PDZRN3: variants seen among roughly 807,000 people sequenced by gnomAD.
PDZRN3 encodes the protein E3 ubiquitin-protein ligase PDZRN3.
In PDZRN3, 38 loss-of-function variants were observed where a neutral mutation model predicts 85.7. The observed-to-expected ratio is 0.44, with a 90% CI of 0.34 to 0.58. The LOEUF (loss-of-function observed/expected upper bound fraction) is 0.58, where lower values mean the gene tolerates loss of function less well. PDZRN3 is among the 20% of genes least tolerant of loss of function. PDZRN3 has a pLI of 0.01. For missense variants in PDZRN3, 1,629 were observed against 1,506.4 expected (o/e 1.08, Z -1.35); for synonymous variants, 759 against 638.0 (o/e 1.19, Z -2.86).
At chr3:73,597,360 C>A (rs1452145796) in intron 3 of PDZRN3, among the ~76,000 whole-genome samples, 1 of 152,150 alleles carries the variant, frequency 6.6e-6, no homozygotes, top group Non-Finnish European at 1.5e-5. Context: ...TACACAAAAG[C>A]CTTTGAGGTT....
chr3:73,394,650 T>A, intron 5 of PDZRN3, among the ~76,000 whole-genome samples: 1 of 152,202 alleles, frequency 6.6e-6, no homozygotes, highest in South Asian at 2.1e-4. Context: ...TGAGACAGGA[T>A]GGTGTGGGCT....
intron 3 of PDZRN3, among the ~76,000 whole-genome samples, chr3:73,580,830 T>A (rs1288928904): frequency 6.6e-6 from 1 of 152,250 alleles, no homozygotes; most frequent in African/African-American, 2.4e-5. Context: ...TAATTCTGCC[T>A]AAATTACTAT....
chr3:73,388,082 A>AG lies in PDZRN3; in HGVS notation c.1417-14_1417-13insC. On this transcript the variant is annotated splice_polypyrimidine_tract_variant and intron_variant, in intron 7 of 9. Transcript: ENST00000263666. ...CTATCCCATTAATCTTTTAAAAAAA[A>AG]AGGGGGGGTGGGGAGAGTGGGGAGA... is the stretch of plus-strand genomic sequence containing the variant. 1 of 1,042,818 alleles carries AG rather than the reference A, an allele frequency of 9.6e-7. No individual in the cohort carries two copies. The highest frequency in any genetic ancestry group is 1.5e-5 in the South Asian group (1 of 68,854). The allele number at this position is 1,042,818 out of a possible 1,614,324, so 64.6% of individuals were successfully genotyped here.
At chr3:73,544,607 A>G (rs540339318) in intron 3 of PDZRN3, among the ~76,000 whole-genome samples, 2 of 152,190 alleles carry the variant, frequency 1.3e-5, no homozygotes, top group East Asian at 3.9e-4. Flanking sequence ...CAAACATTCA[A>G]AGGACACCAC....
intron 3 of PDZRN3, among the ~76,000 whole-genome samples, chr3:73,601,466 T>G (rs555324507): frequency 6.6e-6 from 1 of 152,334 alleles, no homozygotes; most frequent in African/African-American, 2.4e-5. Context: ...GTGAATTTCT[T>G]GTGGGGTCTG....
At chr3:73,538,580 C>A (rs1704844556) in intron 3 of PDZRN3, among the ~76,000 whole-genome samples, 1 of 152,152 alleles carries the variant, frequency 6.6e-6, no homozygotes, top group Non-Finnish European at 1.5e-5. Flanking sequence ...ATGTCGAGCT[C>A]TTTCTTTTGT....
At chr3:73,500,808 C>A (rs1703963693) in intron 3 of PDZRN3, among the ~76,000 whole-genome samples, 1 of 152,178 alleles carries the variant, frequency 6.6e-6, no homozygotes, top group African/African-American at 2.4e-5. Flanking sequence ...CTTTTTCTCT[C>A]CAAAGCCTTC....
chr3:73,474,911 G>C (rs1703419357), intron 3 of PDZRN3, among the ~76,000 whole-genome samples: 1 of 152,140 alleles, frequency 6.6e-6, no homozygotes, highest in Non-Finnish European at 1.5e-5. Context: ...GGAGGGTTGT[G>C]GGGTGTGAGG....
intron 3 of PDZRN3, among the ~76,000 whole-genome samples, chr3:73,565,930 G>T (rs941723282): frequency 3.4e-4 from 52 of 152,038 alleles, no homozygotes; most frequent in African/African-American, 1.2e-3. Context: ...TATCCTGTGC[G>T]ATAAGGATTT....
At chr3:73,573,870 G>C (rs1440121650) in intron 3 of PDZRN3, among the ~76,000 whole-genome samples, 1 of 151,614 alleles carries the variant, frequency 6.6e-6, no homozygotes, top group East Asian at 1.9e-4. Flanking sequence ...ACCATAGTCA[G>C]CTCTAAACAT....
Position 73,624,216 on chromosome 3 carries a change from C to T in PDZRN3, c.610G>A (p.Ala204Thr). Residue 204 changes from alanine to threonine, a missense_variant, in exon 1 of 10, where the codon GCG becomes ACG. Physicochemically the swap from Ala to Thr is moderately conservative, Grantham distance 58 (BLOSUM62 0). Transcript: ENST00000263666. ...GTCATCTGCAGCTCAAGCTGCGCCGCGGCCAGCTGGGCCACCAGCGACTTC... is the reference window on the plus strand; with the variant it reads ...GTCATCTGCAGCTCAAGCTGCGCCGTGGCCAGCTGGGCCACCAGCGACTTC... ...REKSLVAQLA[A>T]AQLELQMTAL... is the part of the protein sequence containing the mutation. The T allele has an allele frequency of 6.0e-6, 9 of 1,489,966 alleles. No homozygotes were observed. In the South Asian group the frequency reaches 1.1e-4, roughly 19 times the overall value. The allele number at this position is 1,489,966 out of a possible 1,614,324, so 92.3% of individuals were successfully genotyped here.
intron 3 of PDZRN3, among the ~76,000 whole-genome samples, chr3:73,557,951 C>G (rs950816155): frequency 6.6e-6 from 1 of 152,054 alleles, no homozygotes; most frequent in Admixed American, 6.6e-5. Flanking sequence ...AGAAAAAACA[C>G]ACCAAAATCT....
intron 1 of PDZRN3, among the ~76,000 whole-genome samples, chr3:73,620,830 C>A (rs1468205515): frequency 6.6e-6 from 1 of 152,044 alleles, no homozygotes; most frequent in Non-Finnish European, 1.5e-5. Context: ...CCTGCCTCGG[C>A]CTCCCAAAGT....
At chr3:73,582,877 C>T (rs772985668) in intron 3 of PDZRN3, among the ~76,000 whole-genome samples, 18 of 152,144 alleles carry the variant, frequency 1.2e-4, no homozygotes, top group Non-Finnish European at 1.9e-4. Context: ...ATATAACTCA[C>T]GGGTTTTAAT....
intron 3 of PDZRN3, among the ~76,000 whole-genome samples, chr3:73,576,800 A>G (rs1253090936): frequency 3.9e-5 from 6 of 152,216 alleles, no homozygotes; most frequent in Non-Finnish European, 8.8e-5. Context: ...GTGTGTTACT[A>G]TACATTTAGA....
At chr3:73,442,079 G>A (rs1013301620) in intron 3 of PDZRN3, among the ~76,000 whole-genome samples, 2 of 152,168 alleles carry the variant, frequency 1.3e-5, no homozygotes, top group Non-Finnish European at 2.9e-5. Context: ...GGGCAGTGGT[G>A]GGCATTGTGG....
chr3:73,620,676 A>C (rs1040686817), intron 1 of PDZRN3, among the ~76,000 whole-genome samples: 1 of 148,728 alleles, frequency 6.7e-6, no homozygotes, highest in Non-Finnish European at 1.5e-5. Context: ...TCCCAGGTTC[A>C]CGCCATTCTC....
intron 3 of PDZRN3, among the ~76,000 whole-genome samples, chr3:73,484,715 T>C (rs1291315696): frequency 6.6e-6 from 1 of 152,196 alleles, no homozygotes; most frequent in Admixed American, 6.5e-5. Context: ...CTGCTCCTAG[T>C]GTGGTCTACA....
intron 3 of PDZRN3, among the ~76,000 whole-genome samples, chr3:73,473,350 A>G (rs1703385347): frequency 6.6e-6 from 1 of 151,962 alleles, no homozygotes; most frequent in Non-Finnish European, 1.5e-5. Context: ...GCCAACTGAG[A>G]CCCCAGGAGG....
Sources: allele counts gnomAD v4.1 joint callset (sites outside exome capture counted in the v4.1 genomes callset), GRCh38; gene constraint gnomAD v4.1.1; transcripts MANE v1.5; gene names NCBI Gene and HGNC (gene_info 2026-07-23, HGNC 2026-07-21).